The following FAR2 variants were observed in gnomAD, a reference collection of about 807,000 sequenced individuals.
The protein encoded by FAR2 is fatty acyl-CoA reductase 2.
In FAR2, 19 loss-of-function variants were observed where a neutral mutation model predicts 56.0. That is an observed-to-expected ratio of 0.34 (90% CI 0.24 to 0.50). The LOEUF (loss-of-function observed/expected upper bound fraction) is 0.50, where lower values mean the gene tolerates loss of function less well. FAR2 is among the 20% of genes least tolerant of loss of function. The probability of loss-of-function intolerance (pLI) is 0.98; values close to 1 mark genes in which losing one functional copy is unlikely to be tolerated. For missense variants in FAR2, 508 were observed against 642.2 expected, an observed-to-expected ratio of 0.79 and a Z score of 2.26; for synonymous variants, 219 against 218.8, an observed-to-expected ratio of 1.00 and a Z score of -0.01.
At chr12:29,220,742 A>G (rs1360496248) in intron 1 of FAR2, among the ~76,000 whole-genome samples, 1 of 152,182 alleles carries the variant, frequency 6.6e-6, no homozygotes, top group Admixed American at 6.5e-5. Context: ...CTCAGAAGAA[A>G]GAATTTGACC....
intron 1 of FAR2, among the ~76,000 whole-genome samples, chr12:29,201,994 A>G (rs1947422320): frequency 1.3e-5 from 2 of 152,206 alleles, no homozygotes. Context: ...GTTCCTCTGC[A>G]ATAGTGCACA....
chr12:29,188,112 C>A (rs557174520), intron 1 of FAR2, among the ~76,000 whole-genome samples: 67 of 152,268 alleles, frequency 4.4e-4, no homozygotes, highest in Middle Eastern at 3.4e-3. Flanking sequence ...TCAAAAAAGA[C>A]AGATTTAGGG....
rs76490141 is a variant in FAR2 at position 29,254,414 on chromosome 12, G to A, written c.-38-15998G>A. On this transcript the variant is annotated intron_variant, in intron 1 of 11. Coordinates refer to ENST00000536681, the MANE Select transcript of FAR2 (RefSeq NM_001271783.2). ...CAAGGGGATCTTGCTATTTTAGGGCGGTCCCAAACTCCTGAGCTCAAGCAA... is the reference window on the plus strand; with the variant it reads ...CAAGGGGATCTTGCTATTTTAGGGCAGTCCCAAACTCCTGAGCTCAAGCAA... Among the ~76,000 whole-genome samples, 866 of 152,170 alleles carry A rather than the reference G, an allele frequency of 5.7e-3. 13 individuals carry two copies. The highest frequency in any genetic ancestry group is 0.019 in the African/African-American group (770 of 41,490).
At chr12:29,209,591 C>T (rs1050020799) in intron 1 of FAR2, among the ~76,000 whole-genome samples, 1 of 151,900 alleles carries the variant, frequency 6.6e-6, no homozygotes, top group Non-Finnish European at 1.5e-5. Flanking sequence ...GATGGGTTTG[C>T]TAGGCTGGCT....
intron 1 of FAR2, among the ~76,000 whole-genome samples, chr12:29,156,239 C>G (rs1434335490): frequency 1.3e-5 from 2 of 152,082 alleles, no homozygotes; most frequent in Non-Finnish European, 2.9e-5. Context: ...AAGTAAATTT[C>G]AAATGTCTCA....
intron 1 of FAR2, among the ~76,000 whole-genome samples, chr12:29,176,264 A>G (rs1949937278): frequency 6.6e-6 from 1 of 152,238 alleles, no homozygotes; most frequent in South Asian, 2.1e-4. Context: ...CAGTAATTGA[A>G]ATAATTGTTC....
At chr12:29,203,932 G>A (rs1173340869) in intron 1 of FAR2, among the ~76,000 whole-genome samples, 20 of 146,266 alleles carry the variant, frequency 1.4e-4, no homozygotes, top group South Asian at 4.4e-4. Context: ...CCTGGGAGGC[G>A]GAGCTTGCAG....
chr12:29,244,664 A>G (rs1948096214), intron 1 of FAR2, among the ~76,000 whole-genome samples: 1 of 152,204 alleles, frequency 6.6e-6, no homozygotes. Flanking sequence ...CAGGCACTAG[A>G]GATGCAAAGT....
intron 1 of FAR2, among the ~76,000 whole-genome samples, chr12:29,235,606 G>A (rs1431212202): frequency 1.3e-5 from 2 of 152,146 alleles, no homozygotes; most frequent in African/African-American, 2.4e-5. Context: ...TTTTTCTCCT[G>A]TGGTAAACCT....
chr12:29,244,452 C>G (rs577176450), intron 1 of FAR2, among the ~76,000 whole-genome samples: 4 of 152,166 alleles, frequency 2.6e-5, no homozygotes, highest in Non-Finnish European at 5.9e-5. Flanking sequence ...CTCTTAGGAA[C>G]TGTATATCTC....
At chr12:29,271,425 C>T (rs992956251) in intron 2 of FAR2, among the ~76,000 whole-genome samples, 1 of 152,138 alleles carries the variant, frequency 6.6e-6, no homozygotes, top group African/African-American at 2.4e-5. Flanking sequence ...CAACTAATTT[C>T]ATAGGAACTA....
At chr12:29,229,276 C>T (rs541732921) in intron 1 of FAR2, among the ~76,000 whole-genome samples, 1 of 152,148 alleles carries the variant, frequency 6.6e-6, no homozygotes, top group South Asian at 2.1e-4. Flanking sequence ...AAACTGAGGC[C>T]TGAGGCTTGG....
chr12:29,225,389 C>T (rs571039881), intron 1 of FAR2, among the ~76,000 whole-genome samples: 1 of 152,214 alleles, frequency 6.6e-6, no homozygotes, highest in Non-Finnish European at 1.5e-5. Context: ...TGGGATAATA[C>T]ATGTGAAGCC....
intron 1 of FAR2, among the ~76,000 whole-genome samples, chr12:29,215,445 C>T (rs1947611249): frequency 6.6e-6 from 1 of 152,138 alleles, no homozygotes; most frequent in East Asian, 1.9e-4. Flanking sequence ...CTCCCGTAGT[C>T]ACAGGCATCT....
At chr12:29,236,386 C>T (rs1947942017) in intron 1 of FAR2, among the ~76,000 whole-genome samples, 1 of 152,090 alleles carries the variant, frequency 6.6e-6, no homozygotes, top group African/African-American at 2.4e-5. Flanking sequence ...AAGGATCCTG[C>T]TTCATTAGTC....
intron 1 of FAR2, among the ~76,000 whole-genome samples, chr12:29,189,573 T>C (rs1383079122): frequency 6.6e-6 from 1 of 152,130 alleles, no homozygotes; most frequent in Non-Finnish European, 1.5e-5. Context: ...CAAGGTGTCA[T>C]TGACTCTAGG....
At chr12:29,158,553 G>A (rs1175501757) in intron 1 of FAR2, among the ~76,000 whole-genome samples, 1 of 152,208 alleles carries the variant, frequency 6.6e-6, no homozygotes, top group African/African-American at 2.4e-5. Context: ...AGTCCTGCCG[G>A]AGGCAATGGT....
intron 1 of FAR2, among the ~76,000 whole-genome samples, chr12:29,197,027 T>A (rs1199533573): frequency 1.3e-5 from 2 of 152,200 alleles, no homozygotes; most frequent in Non-Finnish European, 2.9e-5. Context: ...TTAATCTATT[T>A]GAAGTCATAC....
rs767688237 is a variant in FAR2, at chr12:29,309,200, T to C, written c.738T>C (p.Asn246=). ...CTTTCTTTTAGGGTTGGGTTGATAA[T>C]ATAAATGGACCTAATGGAATCATTA... ...WQEPFPGWVD[N]INGPNGIIIA... Residue 246 remains asparagine (N), a synonymous_variant, in exon 6 of 12, where the codon AAT becomes AAC. Transcript: ENST00000536681. 3 of 1,601,724 alleles carry C rather than the reference T, an allele frequency of 1.9e-6. No individual in the cohort carries two copies. The highest frequency in any genetic ancestry group is 2.7e-5 in the African/African-American group (2 of 74,598).
Sources: gnomAD v4.1 joint callset for allele counts (sites outside exome capture counted in the v4.1 genomes callset) on GRCh38, gnomAD v4.1.1 for gene constraint, MANE v1.5 for transcripts, NCBI Gene and HGNC (gene_info 2026-07-23, HGNC 2026-07-21) for gene names.